Variants in IQGAP2 observed in about 807,000 individuals in gnomAD.
IQGAP2 encodes IQ motif containing GTPase activating protein 2, also known as ras GTPase-activating-like protein IQGAP2.
In IQGAP2, 173 loss-of-function variants were observed where a neutral mutation model predicts 201.3. The observed-to-expected ratio is 0.86, with a 90% confidence interval of 0.76 to 0.98. The LOEUF (loss-of-function observed/expected upper bound fraction) is 0.98. Among genes scored for constraint, IQGAP2 ranks in the 50% least tolerant of loss-of-function variants. The pLI, the probability that IQGAP2 is intolerant of heterozygous loss-of-function variation, is 0.00. For synonymous variants in IQGAP2, 675 were observed against 673.9 expected (o/e 1.00, Z -0.03); for missense variants, 1,687 against 1,864.8 (o/e 0.90, Z 1.76).
chr5:76,669,450 T>C (rs1458691681), intron 23 of IQGAP2, among the ~76,000 whole-genome samples: 1 of 152,018 alleles, frequency 6.6e-6, no homozygotes, highest in Non-Finnish European at 1.5e-5. Flanking sequence ...TCGTGAGAAA[T>C]AGGAATGCTA....
At chr5:76,671,653 A>G in intron 23 of IQGAP2, 106 bp from the exon 24 acceptor site, 1 of 756,434 alleles carries the variant, frequency 1.3e-6, no homozygotes, top group Non-Finnish European at 2.1e-6. Context: ...ACACCACTGC[A>G]CTCCAGCCTG....
intron 2 of IQGAP2, among the ~76,000 whole-genome samples, chr5:76,463,123 TAA>T (rs5868826): frequency 7.9e-4 from 84 of 105,676 alleles, no homozygotes; most frequent in Non-Finnish European, 8.6e-4. Flanking sequence ...ACGCTGTCTT[TAA>T]AAAAAAAAAA....
chr5:76,497,220 G>A (rs1046599509), intron 2 of IQGAP2, among the ~76,000 whole-genome samples: 1 of 152,192 alleles, frequency 6.6e-6, no homozygotes, highest in African/African-American at 2.4e-5. Context: ...GGCACTTTGT[G>A]CTGCCTGATA....
chr5:76,418,593 CGAAA>C (rs1403447380), intron 1 of IQGAP2, among the ~76,000 whole-genome samples: 247 of 146,248 alleles, frequency 1.7e-3, no homozygotes, highest in South Asian at 0.015. Flanking sequence ...GACTCCATCT[CGAAA>C]AAAAAAAAAA....
Position 76,641,041 on chromosome 5 carries a change from G to T in IQGAP2, c.2032G>T (p.Glu678Ter). 1.9e-6 allele frequency: 3 copies of T among 1,610,384 alleles called. No homozygotes were observed. Among genetic ancestry groups the T allele is most frequent in the Non-Finnish European group, 2.5e-6 (3 of 1,176,940 alleles). Residue 678 changes from glutamate (E) to a stop codon, truncating the protein, a stop_gained, in exon 17 of 36, where the codon GAA becomes TAA. Transcript: ENST00000274364. LOFTEE classifies it high-confidence loss of function. Reference sequence around the variant, plus strand: ...CACAAGCTCAGGACCCATCCTTAGGGAAGAGTTTGAAGCTAGAAAATCATT... The same window carrying T: ...CACAAGCTCAGGACCCATCCTTAGGTAAGAGTTTGAAGCTAGAAAATCATT... ...QATSSGPILREEFEARKSFLH... is the reference protein window; with the variant it reads ...QATSSGPILR
At position 76,578,872 on chromosome 5, in the gene IQGAP2, T is replaced by A. The variant is rs1056376165; in HGVS notation, c.458+3103T>A. Among the ~76,000 whole-genome samples, 23 of 137,348 alleles carry A rather than the reference T, an allele frequency of 1.7e-4. 1 individual carries two copies. The Admixed American group carries it at 1.7e-3, about 10-fold the overall frequency. The allele number at this position is 137,348 out of a possible 152,430, so 90.1% of individuals were successfully genotyped here. ...CCTCTGCCTTGAAAAGGAACCAGTT[T>A]AAGAGTGAGAGCCTTACTAACTAGT... On this transcript the variant is annotated intron_variant, in intron 5 of 35. Transcript: ENST00000274364.
intron 2 of IQGAP2, among the ~76,000 whole-genome samples, chr5:76,512,853 G>A (rs1758063671): frequency 6.6e-6 from 1 of 152,050 alleles, no homozygotes; most frequent in South Asian, 2.1e-4. Context: ...TCAGTAGTTC[G>A]AGACCAGCCT....
At chr5:76,571,102 A>C (rs1244237333) in intron 4 of IQGAP2, among the ~76,000 whole-genome samples, 1 of 151,218 alleles carries the variant, frequency 6.6e-6, no homozygotes, top group Non-Finnish European at 1.5e-5. Context: ...CTCTATTAAA[A>C]AAAAAAAAAA....
intron 1 of IQGAP2, chr5:76,404,400 CAT>C (rs1370877030): frequency 5.4e-6 from 5 of 917,782 alleles, no homozygotes; most frequent in Non-Finnish European, 6.5e-6. Context: ...GAGTCCTAAA[CAT>C]GTGCCAGGAA....
chr5:76,556,110 A>AG (rs376917647), intron 2 of IQGAP2, among the ~76,000 whole-genome samples: 1 of 152,160 alleles, frequency 6.6e-6, no homozygotes, highest in Admixed American at 6.5e-5. Context: ...TCTGTAAAGG[A>AG]GGGGGTCTCC....
intron 10 of IQGAP2, among the ~76,000 whole-genome samples, chr5:76,598,377 A>T (rs1336784833): frequency 6.6e-6 from 1 of 152,208 alleles, no homozygotes; most frequent in Non-Finnish European, 1.5e-5. Flanking sequence ...TTAAAGTCAC[A>T]ATCAGCACTT....
intron 3 of IQGAP2, among the ~76,000 whole-genome samples, chr5:76,568,703 G>A (rs1159660989): frequency 6.6e-6 from 1 of 152,190 alleles, no homozygotes; most frequent in Non-Finnish European, 1.5e-5. Context: ...GGTGGTTCTA[G>A]TAGGGATTTA....
chr5:76,667,958 A>C (rs1206190254), intron 22 of IQGAP2, among the ~76,000 whole-genome samples: 1 of 146,808 alleles, frequency 6.8e-6, no homozygotes, highest in Non-Finnish European at 1.5e-5. Context: ...AGCTCACGGC[A>C]GCCTTGAAAT....
intron 1 of IQGAP2, among the ~76,000 whole-genome samples, chr5:76,460,867 T>A (rs1580241798): frequency 1.4e-5 from 1 of 72,290 alleles, no homozygotes; most frequent in Admixed American, 1.7e-4. Flanking sequence ...CTGCTTTTTT[T>A]TTTTTTTTTT....
At chr5:76,533,445 T>C (rs1231708688) in intron 2 of IQGAP2, among the ~76,000 whole-genome samples, 3 of 152,220 alleles carry the variant, frequency 2.0e-5, no homozygotes, top group Admixed American at 2.0e-4. Flanking sequence ...TACTTTTCTT[T>C]ACTAGGCAGT....
At chr5:76,686,781 T>C (rs901377813) in intron 30 of IQGAP2, among the ~76,000 whole-genome samples, 4 of 152,206 alleles carry the variant, frequency 2.6e-5, no homozygotes, top group Non-Finnish European at 4.4e-5. Flanking sequence ...AGTGCTGGGA[T>C]TACAGGCGTG....
intron 2 of IQGAP2, among the ~76,000 whole-genome samples, chr5:76,538,597 T>C (rs1445134280): frequency 1.3e-5 from 2 of 152,168 alleles, no homozygotes; most frequent in African/African-American, 4.8e-5. Context: ...GCATCACTGG[T>C]TTCTTAAGGA....
At chr5:76,704,176 C>G (rs534281827) in intron 35 of IQGAP2, among the ~76,000 whole-genome samples, 3 of 152,160 alleles carry the variant, frequency 2.0e-5, no homozygotes, top group Non-Finnish European at 2.9e-5. Context: ...TAATTAGGGT[C>G]TTCAGTTATT....
intron 5 of IQGAP2, among the ~76,000 whole-genome samples, chr5:76,580,284 GA>G (rs57363971): frequency 0.19 from 23,386 of 121,362 alleles, 2,007 homozygotes; most frequent in Admixed American, 0.32. Context: ...TCAATTAAAA[GA>G]AAAAAAAAAA....
Sources: allele counts gnomAD v4.1 joint callset (sites outside exome capture counted in the v4.1 genomes callset), GRCh38; gene constraint gnomAD v4.1.1; transcripts MANE v1.5; gene names NCBI Gene and HGNC (gene_info 2026-07-23, HGNC 2026-07-21).